The following DDX10 variants were observed in gnomAD, a reference collection of about 807,000 sequenced individuals.
The protein encoded by DDX10 is DEAD-box helicase 10.
DDX10 carries 74 observed loss-of-function variants against 104.3 expected under a neutral mutation model. The observed-to-expected ratio is 0.71, with a 90% CI of 0.59 to 0.86. The LOEUF (loss-of-function observed/expected upper bound fraction) is 0.86. DDX10 is among the 40% of genes least tolerant of loss of function. The pLI, the probability that DDX10 is intolerant of heterozygous loss-of-function variation, is 0.00. For missense variants in DDX10, 952 were observed against 1,040.0 expected, an observed-to-expected ratio of 0.92 and a Z score of 1.16; for synonymous variants, 351 against 353.4, an observed-to-expected ratio of 0.99 and a Z score of 0.08.
At chr11:108,920,113 A>C (rs1863803983) in intron 17 of DDX10, 1 of 152,308 alleles carries the variant, frequency 6.6e-6, no homozygotes, top group East Asian at 1.9e-4. Context: ...ATAAGAGACT[A>C]TATCATTGGT....
intron 13 of DDX10, among the ~76,000 whole-genome samples, chr11:108,774,253 C>T (rs1014228510): frequency 6.6e-6 from 1 of 152,202 alleles, no homozygotes; most frequent in Non-Finnish European, 1.5e-5. Flanking sequence ...GTTCATTGGC[C>T]GTGTGACTAG....
At chr11:108,713,406 T>G (rs550883642) in intron 10 of DDX10, among the ~76,000 whole-genome samples, 3 of 152,302 alleles carry the variant, frequency 2.0e-5, no homozygotes, top group African/African-American at 7.2e-5. Flanking sequence ...TTTATCAAGT[T>G]CAGAGATTCT....
rs190255562 is a variant in DDX10 at position 108,911,608 on chromosome 11, C to A, written c.2305-6265C>A. ...TTTTTGAGACAGGACCTAGCTCTAT[C>A]ACCCACTGGCGTGCAGTGGCATGAT... On this transcript the variant is annotated intron_variant, in intron 16 of 17. Transcript: ENST00000322536. Among the ~76,000 whole-genome samples, 419 of 129,768 alleles carry A rather than the reference C, an allele frequency of 3.2e-3. 1 individual carries two copies. The highest frequency in any genetic ancestry group is 5.1e-3 in the Non-Finnish European group (321 of 63,070). 85.1% of individuals were successfully genotyped at this position (129,768 alleles called of 152,430 possible). A position where few individuals can be genotyped will look rare whatever the true frequency, so the allele number is the denominator to read the frequency against.
intron 6 of DDX10, among the ~76,000 whole-genome samples, chr11:108,680,584 G>A (rs997567047): frequency 2.0e-5 from 3 of 152,168 alleles, no homozygotes; most frequent in African/African-American, 7.2e-5. Flanking sequence ...ATGAATCACT[G>A]CAGACTTCCA....
At chr11:108,837,292 C>T (rs1293763143) in intron 13 of DDX10, among the ~76,000 whole-genome samples, 1 of 152,164 alleles carries the variant, frequency 6.6e-6, no homozygotes, top group Non-Finnish European at 1.5e-5. Context: ...CTAACTACTA[C>T]ACCAAAGACT....
intron 13 of DDX10, among the ~76,000 whole-genome samples, chr11:108,744,459 C>A (rs916402161): frequency 1.3e-5 from 2 of 152,124 alleles, no homozygotes; most frequent in African/African-American, 4.8e-5. Context: ...ATTTATTCTT[C>A]CAGTGAAAAG....
chr11:108,757,969 C>T (rs946735047), intron 13 of DDX10, among the ~76,000 whole-genome samples: 20 of 152,162 alleles, frequency 1.3e-4, no homozygotes, highest in African/African-American at 4.1e-4. Context: ...ATTAATTTGA[C>T]TGTCAGACTT....
chr11:108,837,781 C>G (rs1862577108), intron 13 of DDX10, among the ~76,000 whole-genome samples: 1 of 151,844 alleles, frequency 6.6e-6, no homozygotes, highest in African/African-American at 2.4e-5. Context: ...CGCCACCACA[C>G]CCAGCTAATT....
intron 13 of DDX10, among the ~76,000 whole-genome samples, chr11:108,820,410 C>T (rs541238900): frequency 6.6e-6 from 1 of 152,176 alleles, no homozygotes; most frequent in Non-Finnish European, 1.5e-5. Flanking sequence ...CTGTCTCCCT[C>T]TTATTCCACA....
chr11:108,711,594 A>G (rs1371575735), intron 10 of DDX10, among the ~76,000 whole-genome samples: 1 of 152,174 alleles, frequency 6.6e-6, no homozygotes, highest in Admixed American at 6.5e-5. Context: ...CGGCCTCCCA[A>G]AGTACTGAGA....
intron 16 of DDX10, among the ~76,000 whole-genome samples, chr11:108,874,485 TAGC>T (rs1429473370): frequency 6.6e-6 from 1 of 152,232 alleles, no homozygotes; most frequent in African/African-American, 2.4e-5. Flanking sequence ...ACATATTATT[TAGC>T]AGAGAGTTAT....
chr11:108,719,902 T>C lies in DDX10; in HGVS notation c.1499+17T>C, dbSNP rs1174893389. ...ATATGCCCTGTAAGTATTCATAATA[T>C]AGTTGTAATAGTGAATCCTCAAGGT... On this transcript the variant is annotated intron_variant, in intron 12 of 17. Transcript: ENST00000322536. 1.5e-5 allele frequency: 20 copies of C among 1,318,666 alleles called. No individual in the cohort carries two copies. Among genetic ancestry groups the C allele is most frequent in the Non-Finnish European group, 2.1e-5 (19 of 912,094 alleles). The allele number at this position is 1,318,666 out of a possible 1,614,324, so 81.7% of individuals were successfully genotyped here. A position where few individuals can be genotyped will look rare whatever the true frequency, so the allele number is the denominator to read the frequency against.
intron 16 of DDX10, among the ~76,000 whole-genome samples, chr11:108,896,689 T>A (rs1210140670): frequency 1.3e-5 from 2 of 152,152 alleles, no homozygotes; most frequent in Admixed American, 6.5e-5. Flanking sequence ...TTCAAGCCAG[T>A]TTGGTATTAT....
At chr11:108,706,503 T>C (rs754905536) in intron 9 of DDX10, among the ~76,000 whole-genome samples, 1 of 152,218 alleles carries the variant, frequency 6.6e-6, no homozygotes, top group Non-Finnish European at 1.5e-5. Flanking sequence ...ATTTCTTTCT[T>C]AGAATTTAGA....
intron 12 of DDX10, among the ~76,000 whole-genome samples, chr11:108,720,169 A>G (rs985666560): frequency 1.8e-4 from 27 of 152,260 alleles, no homozygotes; most frequent in African/African-American, 6.0e-4. Flanking sequence ...AGTGGAAAAG[A>G]TGAAATTGAC....
At chr11:108,911,828 C>G (rs1199183664) in intron 16 of DDX10, among the ~76,000 whole-genome samples, 3 of 152,074 alleles carry the variant, frequency 2.0e-5, no homozygotes, top group Admixed American at 2.0e-4. Context: ...TCCAAAAAAG[C>G]TTTGCCTCTT....
chr11:108,838,354 C>T, intron 13 of DDX10, 92 bp from the exon 14 acceptor site: 1 of 1,337,874 alleles, frequency 7.5e-7, no homozygotes, highest in Non-Finnish European at 1.0e-6. Flanking sequence ...ATAAATGTAC[C>T]CAGTTTTGAG....
chr11:108,739,547 A>G (rs1439217185), intron 13 of DDX10, among the ~76,000 whole-genome samples: 1 of 152,228 alleles, frequency 6.6e-6, no homozygotes, highest in Non-Finnish European at 1.5e-5. Flanking sequence ...GCCTGTCATT[A>G]TAATACATTC....
Position 108,715,941 on chromosome 11 carries a change from A to G in DDX10, c.1385A>G (p.Gln462Arg), listed in dbSNP as rs1381063345. 5 of 1,559,418 alleles carry G rather than the reference A, an allele frequency of 3.2e-6. No homozygotes were observed. Among genetic ancestry groups the G allele is most frequent in the Non-Finnish European group, 3.5e-6 (4 of 1,133,854 alleles). The change falls in exon 11 of 18, where the codon CAA (glutamine) becomes CGA (arginine). Residue 462 changes from glutamine (Q) to arginine (R), a missense_variant. This residue lies in a region of DDX10 where 533 missense variants were observed against 534.1 expected (regional missense o/e 1.00). Transcript: ENST00000322536. ...TTGGAATCTATTTTAGCTCAAGATC[A>G]AGATTTAAAAGAAAGAGCTCAAAGG... ...KKLESILAQDQDLKERAQRCF... is the reference protein window; with the variant it reads ...KKLESILAQDRDLKERAQRCF...
Sources: gnomAD v4.1 joint callset for allele counts (sites outside exome capture counted in the v4.1 genomes callset) on GRCh38, gnomAD v4.1.1 for gene constraint, gnomAD v4.1.1 regional missense constraint, MANE v1.5 for transcripts, NCBI Gene and HGNC (gene_info 2026-07-23, HGNC 2026-07-21) for gene names.